The following NALF1 variants were observed in gnomAD, a reference collection of about 807,000 sequenced individuals.
NALF1 encodes the protein NALCN channel auxiliary factor 1, also known as family with sequence similarity 155 member A.
NALF1 carries 3 observed loss-of-function variants against 48.4 expected under a neutral mutation model. That is an observed-to-expected ratio of 0.06 (90% CI 0.03 to 0.16). The LOEUF (loss-of-function observed/expected upper bound fraction) is 0.16. Among genes scored for constraint, NALF1 ranks in the 10% least tolerant of loss-of-function variants. NALF1 has a pLI of 1.00. For missense variants in NALF1, 526 were observed against 571.5 expected (o/e 0.92, Z 0.81); for synonymous variants, 262 against 245.7 (o/e 1.07, Z -0.62).
intron 1 of NALF1, among the ~76,000 whole-genome samples, chr13:107,661,814 A>ACCTGC (rs1304163636): frequency 6.6e-6 from 1 of 152,232 alleles, no homozygotes; most frequent in Non-Finnish European, 1.5e-5. Flanking sequence ...AATTTTATAC[A>ACCTGC]TATTTTAAGC....
At chr13:107,800,632 AT>A (rs1246526105) in intron 1 of NALF1, among the ~76,000 whole-genome samples, 1 of 146,892 alleles carries the variant, frequency 6.8e-6, no homozygotes, top group Non-Finnish European at 1.5e-5. Flanking sequence ...ATATAATTAT[AT>A]AATACATATA....
chr13:107,221,576 T>C (rs1407010542), intron 1 of NALF1, among the ~76,000 whole-genome samples: 1 of 152,060 alleles, frequency 6.6e-6, no homozygotes, highest in East Asian at 1.9e-4. Context: ...TGAGACTCTG[T>C]CTCAAAAAAT....
chr13:107,331,739 A>G (rs2138924679), intron 1 of NALF1, among the ~76,000 whole-genome samples: 1 of 152,316 alleles, frequency 6.6e-6, no homozygotes, highest in East Asian at 1.9e-4. Context: ...TATAATAGAT[A>G]TAATTTTCTT....
chr13:107,684,799 T>G (rs1881393899), intron 1 of NALF1, among the ~76,000 whole-genome samples: 2 of 152,232 alleles, frequency 1.3e-5, no homozygotes, highest in African/African-American at 4.8e-5. Flanking sequence ...TATCTTCAAT[T>G]TGGTGTAAAG....
At chr13:107,260,022 G>A (rs1880899353) in intron 1 of NALF1, among the ~76,000 whole-genome samples, 1 of 152,164 alleles carries the variant, frequency 6.6e-6, no homozygotes, top group Admixed American at 6.5e-5. Flanking sequence ...TTGAAGAGAG[G>A]CATAGCTCTG....
intron 1 of NALF1, among the ~76,000 whole-genome samples, chr13:107,835,102 G>C (rs374836536): frequency 4.9e-4 from 74 of 152,230 alleles, no homozygotes; most frequent in African/African-American, 1.4e-3. Context: ...TTCTAATATA[G>C]GGTTAGTTAT....
chr13:107,463,583 A>G (rs544140351), intron 1 of NALF1, among the ~76,000 whole-genome samples: 1 of 152,212 alleles, frequency 6.6e-6, no homozygotes, highest in Non-Finnish European at 1.5e-5. Flanking sequence ...ACTGAGAAGC[A>G]TGAGAGTGAA....
intron 1 of NALF1, among the ~76,000 whole-genome samples, chr13:107,731,015 C>G (rs773889397): frequency 9.2e-5 from 14 of 152,136 alleles, no homozygotes; most frequent in Non-Finnish European, 1.8e-4. Context: ...AGAGATTTGC[C>G]TACAGAAGAT....
At chr13:107,709,521 A>G (rs1457399229) in intron 1 of NALF1, among the ~76,000 whole-genome samples, 1 of 152,266 alleles carries the variant, frequency 6.6e-6, no homozygotes, top group Non-Finnish European at 1.5e-5. Flanking sequence ...GTGCTTCACA[A>G]GGAAACTAGT....
At chr13:107,662,667 T>C (rs1397338773) in intron 1 of NALF1, among the ~76,000 whole-genome samples, 2 of 152,198 alleles carry the variant, frequency 1.3e-5, no homozygotes, top group African/African-American at 4.8e-5. Flanking sequence ...TCACCTATTA[T>C]GTATTATAAT....
In NALF1 at chr13:107,606,293, T is replaced by C. The variant is rs181198506; in HGVS notation, c.915+259389A>G. On this transcript the variant is annotated intron_variant, in intron 1 of 2. Transcript: ENST00000375915. ...ATATATATATATATGTGTGTGTTTG[T>C]GTGTGTATGTATACATATATAGATG... is the stretch of plus-strand genomic sequence containing the variant. 9.3e-3 allele frequency among the ~76,000 whole-genome samples: 1,407 copies of C among 152,022 alleles called. 23 individuals are homozygous for C. Among genetic ancestry groups the C allele is most frequent in the African/African-American group, 0.032 (1,338 of 41,448 alleles).
chr13:107,192,727 C>A (rs1384041708), intron 2 of NALF1, among the ~76,000 whole-genome samples: 1 of 152,144 alleles, frequency 6.6e-6, no homozygotes, highest in Non-Finnish European at 1.5e-5. Context: ...TTCCCATCAG[C>A]CTGACTGAAC....
intron 1 of NALF1, among the ~76,000 whole-genome samples, chr13:107,370,838 C>A (rs988643417): frequency 5.9e-5 from 9 of 152,156 alleles, no homozygotes; most frequent in Non-Finnish European, 1.2e-4. Flanking sequence ...TCCTTCTTCA[C>A]ATGGCAGCAG....
At chr13:107,251,944 G>A (rs556321039) in intron 1 of NALF1, among the ~76,000 whole-genome samples, 9 of 152,290 alleles carry the variant, frequency 5.9e-5, no homozygotes, top group African/African-American at 2.2e-4. Context: ...AGAGAAGGGT[G>A]TCTGAGTCTG....
At chr13:107,632,895 A>G (rs1879870066) in intron 1 of NALF1, among the ~76,000 whole-genome samples, 1 of 141,402 alleles carries the variant, frequency 7.1e-6, no homozygotes, top group African/African-American at 2.6e-5. Context: ...AGAAATTTTT[A>G]TAACAAGCCT....
At chr13:107,484,807 A>C (rs1010005357) in intron 1 of NALF1, among the ~76,000 whole-genome samples, 2 of 152,156 alleles carry the variant, frequency 1.3e-5, no homozygotes, top group African/African-American at 4.8e-5. Flanking sequence ...AGCAGGCAAT[A>C]CTTATTGTTT....
At chr13:107,437,317 A>G (rs1295883009) in intron 1 of NALF1, among the ~76,000 whole-genome samples, 2 of 152,224 alleles carry the variant, frequency 1.3e-5, no homozygotes, top group African/African-American at 4.8e-5. Flanking sequence ...GATCACTTTG[A>G]AAAATGACCT....
rs1272992244 is a variant in NALF1, at chr13:107,387,640, C to G, written c.916-176885G>C. 2.6e-5 allele frequency among the ~76,000 whole-genome samples: 4 copies of G among 152,128 alleles called. No homozygotes were observed. In the South Asian group the frequency reaches 8.3e-4, roughly 32 times the overall value. On this transcript the variant is annotated intron_variant, in intron 1 of 2. Coordinates refer to ENST00000375915, the MANE Select transcript of NALF1 (RefSeq NM_001080396.3). ...CTGATCCGAGATGAGAGTTATATAACCAAAATGTCCTAAAAGGCCAAGCCT... is the reference window on the plus strand; with the variant it reads ...CTGATCCGAGATGAGAGTTATATAAGCAAAATGTCCTAAAAGGCCAAGCCT...
chr13:107,702,374 C>G (rs1405457827), intron 1 of NALF1, among the ~76,000 whole-genome samples: 1 of 152,102 alleles, frequency 6.6e-6, no homozygotes, highest in Non-Finnish European at 1.5e-5. Flanking sequence ...TTCTTAATAA[C>G]CAGTCACGTT....
Sources: gnomAD v4.1 joint callset for allele counts (sites outside exome capture counted in the v4.1 genomes callset) on GRCh38, gnomAD v4.1.1 for gene constraint, MANE v1.5 for transcripts, NCBI Gene and HGNC (gene_info 2026-07-23, HGNC 2026-07-21) for gene names.